ATP9A: variants seen among roughly 807,000 people sequenced by gnomAD.
ATP9A encodes the protein ATPase phospholipid transporting 9A.
A neutral mutation model predicts 144.1 loss-of-function variants in ATP9A; 52 were observed. The observed-to-expected ratio is 0.36, with a 90% CI of 0.29 to 0.45. The LOEUF (loss-of-function observed/expected upper bound fraction) is 0.45, where lower values mean the gene tolerates loss of function less well. Among genes scored for constraint, ATP9A ranks in the 20% least tolerant of loss-of-function variants. ATP9A has a pLI of 1.00. For missense variants in ATP9A, 947 were observed against 1,392.7 expected (o/e 0.68, Z 5.09); for synonymous variants, 582 against 557.4 (o/e 1.04, Z -0.62).
chr20:51,707,863 G>T (rs2122843101), intron 4 of ATP9A, among the ~76,000 whole-genome samples: 1 of 152,020 alleles, frequency 6.6e-6, no homozygotes, highest in East Asian at 1.9e-4. Flanking sequence ...TTGTGTGTGT[G>T]TGTGTGTAGC....
At chr20:51,695,539 T>G (rs2077567325) in intron 6 of ATP9A, among the ~76,000 whole-genome samples, 7 of 150,680 alleles carry the variant, frequency 4.6e-5, no homozygotes, top group Admixed American at 4.6e-4. Context: ...GCTGCCACCC[T>G]AGGGAACAAC....
At chr20:51,656,378 C>T (rs2077386855) in intron 14 of ATP9A, among the ~76,000 whole-genome samples, 1 of 152,050 alleles carries the variant, frequency 6.6e-6, no homozygotes, top group Non-Finnish European at 1.5e-5. Flanking sequence ...ATGGTGAAAC[C>T]CCATCTCTAC....
intron 1 of ATP9A, among the ~76,000 whole-genome samples, chr20:51,758,339 A>G (rs961145257): frequency 2.0e-5 from 3 of 152,184 alleles, no homozygotes; most frequent in African/African-American, 7.2e-5. Context: ...CACCACCTTC[A>G]TGAGTGACCC....
chr20:51,615,459 TA>T (rs908189604), intron 22 of ATP9A, among the ~76,000 whole-genome samples: 1 of 152,176 alleles, frequency 6.6e-6, no homozygotes, highest in African/African-American at 2.4e-5. Flanking sequence ...GTTTTCAATT[TA>T]AAAAAATACA....
intron 9 of ATP9A, among the ~76,000 whole-genome samples, chr20:51,685,917 G>A (rs1434822918): frequency 1.3e-5 from 2 of 152,136 alleles, no homozygotes; most frequent in Non-Finnish European, 2.9e-5. Context: ...ACATGCACAC[G>A]TATGTTTATT....
intron 4 of ATP9A, among the ~76,000 whole-genome samples, chr20:51,697,868 A>C (rs2077577404): frequency 6.6e-6 from 1 of 152,224 alleles, no homozygotes; most frequent in Non-Finnish European, 1.5e-5. Context: ...CACCAAAAAG[A>C]AAGAAGCTAA....
At chr20:51,687,774 AAAAT>A (rs1241363021) in intron 9 of ATP9A, among the ~76,000 whole-genome samples, 4 of 120,216 alleles carry the variant, frequency 3.3e-5, no homozygotes, top group African/African-American at 1.1e-4. Flanking sequence ...AAAAAAAAAA[AAAAT>A]GAATGAATGA....
chr20:51,676,104 T>C, intron 10 of ATP9A, 28 bp downstream of exon 10: 1 of 1,588,094 alleles, frequency 6.3e-7, no homozygotes, highest in Non-Finnish European at 8.6e-7. Flanking sequence ...CCACAGCCGG[T>C]CAATGTACCC....
rs1281061835 is a variant in ATP9A at position 51,597,600 on chromosome 20, T to A, written c.*3611A>T. The A allele has an allele frequency of 6.6e-6, 1 of 151,910 alleles. No homozygotes were observed. The highest frequency in any genetic ancestry group is 2.4e-5 in the African/African-American group (1 of 41,336). 9.4% of individuals were successfully genotyped at this position (151,910 alleles called of 1,614,324 possible). On this transcript the variant is annotated 3_prime_UTR_variant, in exon 28 of 28. Coordinates refer to ENST00000338821, the MANE Select transcript of ATP9A (RefSeq NM_006045.3). ...GTTAAAGATAAAAATAGCTGATAGG[T>A]GTTTAAGTAGGATGGAGCAGAAGAA...
chr20:51,596,615 GTTTT>G lies in ATP9A; in HGVS notation c.*4592_*4595del, dbSNP rs992384654. 6 of 151,616 alleles carry G rather than the reference GTTTT, an allele frequency of 4.0e-5. No individual in the cohort carries two copies. The highest frequency in any genetic ancestry group is 7.4e-5 in the Non-Finnish European group (5 of 67,886). The allele number at this position is 151,616 out of a possible 1,614,324, so 9.4% of individuals were successfully genotyped here. On this transcript the variant is annotated 3_prime_UTR_variant, in exon 28 of 28. Transcript: ENST00000338821. ...AATAAATAACATGCATTGATTTGGG[GTTTT>G]TTTTGCCAAAATCAAAATAATTTTC...
chr20:51,684,337 T>C (rs900483703), intron 9 of ATP9A, among the ~76,000 whole-genome samples: 5 of 152,222 alleles, frequency 3.3e-5, no homozygotes, highest in African/African-American at 7.2e-5. Context: ...CAAATTATTT[T>C]TTAAAAACCA....
In ATP9A at chr20:51,625,325, C is replaced by T. The variant is rs1221493989; in HGVS notation, c.1883G>A (p.Arg628His). The stretch of plus-strand genomic sequence containing the variant: ...GATCACCGTGGCCACTTTGAGGGAG[C>T]GGTCGTGCACACTCAGCTTGGCCTG... The part of the protein sequence containing the change: ...YVQAKLSVHD[R>H]SLKVATVIES... Residue 628 changes from arginine to histidine, a missense_variant, in exon 18 of 28, where the codon CGC becomes CAC. Arg to His is a conservative substitution (Grantham distance 29, BLOSUM62 0). Coordinates refer to ENST00000338821, the MANE Select transcript of ATP9A (RefSeq NM_006045.3). 4 of 1,614,024 alleles carry T rather than the reference C, an allele frequency of 2.5e-6. No individual in the cohort carries two copies. The African/African-American group carries it at 5.3e-5, about 22-fold the overall frequency.
chr20:51,632,493 C>A (rs1040125736), intron 15 of ATP9A, among the ~76,000 whole-genome samples: 1 of 152,206 alleles, frequency 6.6e-6, no homozygotes, highest in Non-Finnish European at 1.5e-5. Context: ...GGCCCTTCCT[C>A]AGGTGGGGGC....
intron 14 of ATP9A, among the ~76,000 whole-genome samples, chr20:51,644,650 T>C (rs1239918099): frequency 1.3e-5 from 2 of 152,050 alleles, no homozygotes; most frequent in Non-Finnish European, 2.9e-5. Context: ...TAAATAAACA[T>C]CCCAATACAA....
In ATP9A at chr20:51,705,027, T is replaced by TA. The variant is rs757981712; in HGVS notation, c.437-7546dup. On this transcript the variant is annotated intron_variant, in intron 4 of 27. Coordinates refer to ENST00000338821, the MANE Select transcript of ATP9A (RefSeq NM_006045.3). ...AGTCTATCCATACCATTCTCTTCTT[T>TA]AAAAAAAAATCATAATGCATATCTT... Among the ~76,000 whole-genome samples, 32 of 151,748 alleles carry TA rather than the reference T, an allele frequency of 2.1e-4. 3 individuals are homozygous for TA. The highest frequency in any genetic ancestry group is 2.1e-4 in the South Asian group (1 of 4,788).
chr20:51,641,602 G>C (rs962711893), intron 14 of ATP9A, among the ~76,000 whole-genome samples: 3 of 151,440 alleles, frequency 2.0e-5, no homozygotes, highest in Admixed American at 2.0e-4. Flanking sequence ...ATCACCTGAG[G>C]TCAGGAGTTC....
chr20:51,652,861 C>T (rs1055438077), intron 14 of ATP9A, among the ~76,000 whole-genome samples: 2 of 151,958 alleles, frequency 1.3e-5, no homozygotes, highest in African/African-American at 4.8e-5. Context: ...GTAATCCCAA[C>T]ACTTTGGGAG....
intron 14 of ATP9A, among the ~76,000 whole-genome samples, chr20:51,642,898 C>T (rs2077326915): frequency 6.6e-6 from 1 of 152,058 alleles, no homozygotes; most frequent in Non-Finnish European, 1.5e-5. Context: ...AGCTGACCTG[C>T]TATACCCCGA....
intron 1 of ATP9A, among the ~76,000 whole-genome samples, chr20:51,746,512 A>C (rs892776065): frequency 9.2e-5 from 14 of 151,694 alleles, no homozygotes; most frequent in African/African-American, 3.4e-4. Flanking sequence ...CAGCCTGGCC[A>C]ACATAGCTAA....
Sources: allele counts gnomAD v4.1 joint callset (sites outside exome capture counted in the v4.1 genomes callset), GRCh38; gene constraint gnomAD v4.1.1; transcripts MANE v1.5; gene names NCBI Gene and HGNC (gene_info 2026-07-23, HGNC 2026-07-21).